Variants in ATP2B1 observed in about 807,000 individuals in gnomAD.
ATP2B1 encodes ATPase plasma membrane Ca2+ transporting 1, also known as plasma membrane calcium-transporting ATPase 1.
In ATP2B1, 14 loss-of-function variants were observed where a neutral mutation model predicts 124.2. That is an observed-to-expected ratio of 0.11 (90% confidence interval 0.07 to 0.18). The LOEUF (loss-of-function observed/expected upper bound fraction) is 0.18. Ranked by LOEUF, ATP2B1 falls within the 10% of genes least tolerant of loss-of-function variation. The pLI, the probability that ATP2B1 is intolerant of heterozygous loss-of-function variation, is 1.00. For synonymous variants in ATP2B1, 449 were observed against 492.4 expected (o/e 0.91, Z 1.17); for missense variants, 763 against 1,466.1 (o/e 0.52, Z 7.83).
intron 3 of ATP2B1, 108 bp downstream of exon 3, chr12:89,642,050 C>A: frequency 9.1e-7 from 1 of 1,104,456 alleles, no homozygotes; most frequent in Non-Finnish European, 1.3e-6. Context: ...CAGTGCCTAG[C>A]ACATAGCAAA....
Position 89,589,110 on chromosome 12 carries a change from G to C in ATP2B1, c.*1874C>G, listed in dbSNP as rs996499808. 6.6e-6 allele frequency: 1 copy of C among 152,594 alleles called. No homozygotes were observed. 9.5% of individuals were successfully genotyped at this position (152,594 alleles called of 1,614,324 possible). The stretch of plus-strand genomic sequence containing the variant: ...AAATGTACAATTACAAATGCTGACA[G>C]AGCCAATGTGTTTCTAAGACCTGCA... On this transcript the variant is annotated 3_prime_UTR_variant, in exon 21 of 21. Transcript: ENST00000428670.
At chr12:89,664,763 G>A (rs899492150) in intron 1 of ATP2B1, among the ~76,000 whole-genome samples, 1 of 152,138 alleles carries the variant, frequency 6.6e-6, no homozygotes, top group African/African-American at 2.4e-5. Flanking sequence ...ACCTTGACTA[G>A]GGAACAAACT....
Position 89,639,275 on chromosome 12 carries a change from G to A in ATP2B1, c.406+2883C>T, listed in dbSNP as rs181762032. Among the ~76,000 whole-genome samples the A allele has an allele frequency of 7.6e-4, 116 of 152,160 alleles. 1 individual carries two copies. Among genetic ancestry groups the A allele is most frequent in the Admixed American group, 6.6e-3 (101 of 15,276 alleles). On this transcript the variant is annotated intron_variant, in intron 3 of 20. Coordinates refer to ENST00000428670, the MANE Select transcript of ATP2B1 (RefSeq NM_001366521.1). ...TCTGAGCACTTTGGGAGGCCGAGGC[G>A]GGCAGATAACCTGAGGTCAGGGGTT...
chr12:89,629,033 A>G (rs920910455), intron 6 of ATP2B1, among the ~76,000 whole-genome samples: 4 of 152,188 alleles, frequency 2.6e-5, no homozygotes, highest in Non-Finnish European at 5.9e-5. Flanking sequence ...AACAAATTAG[A>G]TGTTAATTTC....
At chr12:89,629,345 A>G (rs1881468857) in intron 6 of ATP2B1, among the ~76,000 whole-genome samples, 1 of 152,336 alleles carries the variant, frequency 6.6e-6, no homozygotes, top group South Asian at 2.1e-4. Flanking sequence ...TACAGTTGTG[A>G]GGATTAATGA....
intron 1 of ATP2B1, among the ~76,000 whole-genome samples, chr12:89,673,349 A>G (rs1213798846): frequency 6.6e-6 from 1 of 152,200 alleles, no homozygotes; most frequent in African/African-American, 2.4e-5. Context: ...TTCACAGAAT[A>G]ATATATGCGC....
chr12:89,609,916 T>C (rs186924523), intron 15 of ATP2B1, 21 bp downstream of exon 15: 4 of 1,603,552 alleles, frequency 2.5e-6, no homozygotes, highest in Non-Finnish European at 3.4e-6. Context: ...CGTTTGGATA[T>C]TTGAATGAGT....
chr12:89,647,904 C>T (rs1318934016), intron 2 of ATP2B1, among the ~76,000 whole-genome samples: 1 of 152,158 alleles, frequency 6.6e-6, no homozygotes, highest in Non-Finnish European at 1.5e-5. Flanking sequence ...CACTCTCACT[C>T]TCATCATGTA....
At chr12:89,602,517 A>C (rs1876055130) in intron 18 of ATP2B1, among the ~76,000 whole-genome samples, 1 of 152,200 alleles carries the variant, frequency 6.6e-6, no homozygotes, top group South Asian at 2.1e-4. Context: ...GCACTTGTAC[A>C]GATAGATTTC....
intron 2 of ATP2B1, among the ~76,000 whole-genome samples, chr12:89,648,144 C>T (rs1390156620): frequency 1.3e-5 from 2 of 152,214 alleles, no homozygotes; most frequent in African/African-American, 4.8e-5. Context: ...TATAAAGATA[C>T]CTTAAAAAGT....
rs1258197651 is a variant in ATP2B1, at chr12:89,603,562, A to C, written c.2848+150T>G. ...GCTTATTGTCCTCCCAAATTTACTA[A>C]GCACTCACTGATTAAGAAGAAATTA... On this transcript the variant is annotated intron_variant, in intron 17 of 20. Transcript: ENST00000428670. The surrounding 1 kb of genome is among the most constrained non-coding windows in gnomAD (Gnocchi z 4.3). The C allele has an allele frequency of 1.2e-6, 1 of 800,524 alleles. No individual in the cohort carries two copies. Among genetic ancestry groups the C allele is most frequent in the Non-Finnish European group, 1.9e-6 (1 of 514,892 alleles). 49.6% of individuals were successfully genotyped at this position (800,524 alleles called of 1,614,324 possible). A position where few individuals can be genotyped will look rare whatever the true frequency, so the allele number is the denominator to read the frequency against.
chr12:89,658,641 G>GAGAGAGAGAT lies in ATP2B1; in HGVS notation c.-221-2535_-221-2534insATCTCTCTCT, dbSNP rs1565882748. On this transcript the variant is annotated intron_variant, in intron 1 of 20. Coordinates refer to ENST00000428670, the MANE Select transcript of ATP2B1 (RefSeq NM_001366521.1). ...AGAGAGAGAGAGAGAGAGAGAGAGA[G>GAGAGAGAGAT]AGAGAGATAGAGATAGCATGTGGCT... is the stretch of plus-strand genomic sequence containing the variant. Among the ~76,000 whole-genome samples the GAGAGAGAGAT allele has an allele frequency of 1.4e-4, 21 of 150,320 alleles. No individual in the cohort carries two copies. The South Asian group carries it at 3.4e-3, about 24-fold the overall frequency.
chr12:89,693,066 G>C (rs537596319), intron 1 of ATP2B1, among the ~76,000 whole-genome samples: 1 of 152,082 alleles, frequency 6.6e-6, no homozygotes, highest in African/African-American at 2.4e-5. Flanking sequence ...CTAGTATTAA[G>C]CCAATAATTT....
chr12:89,612,555 G>A (rs1334884936), intron 12 of ATP2B1, among the ~76,000 whole-genome samples: 1 of 152,034 alleles, frequency 6.6e-6, no homozygotes, highest in African/African-American at 2.4e-5. Context: ...AAGAAACAGA[G>A]ATTTGTGCGT....
intron 1 of ATP2B1, among the ~76,000 whole-genome samples, chr12:89,696,104 C>G (rs10777190): frequency 6.6e-6 from 1 of 152,302 alleles, no homozygotes; most frequent in East Asian, 1.9e-4. Context: ...TGCTCCCAAA[C>G]TGAACATGTC....
intron 11 of ATP2B1, among the ~76,000 whole-genome samples, chr12:89,619,074 T>G (rs1879495881): frequency 6.6e-6 from 1 of 152,114 alleles, no homozygotes; most frequent in African/African-American, 2.4e-5. Context: ...TCAGGGAAAT[T>G]ATATGTGAAC....
At chr12:89,634,487 C>T (rs1330635095) in intron 5 of ATP2B1, among the ~76,000 whole-genome samples, 1 of 152,152 alleles carries the variant, frequency 6.6e-6, no homozygotes, top group African/African-American at 2.4e-5. Flanking sequence ...CAAGAGATAT[C>T]ATTAGGCCTA....
chr12:89,670,827 T>G (rs6538196), intron 1 of ATP2B1, among the ~76,000 whole-genome samples: 145,060 of 152,054 alleles, frequency 0.95, 69,255 homozygotes, highest in East Asian at 0.99. Context: ...GCTGGTCTGA[T>G]CTAAATGTAA....
chr12:89,620,388 G>A, intron 10 of ATP2B1, 148 bp from the exon 11 acceptor site: 1 of 1,006,470 alleles, frequency 9.9e-7, no homozygotes, highest in South Asian at 1.8e-5. Context: ...GAAAAGTAAG[G>A]TAGAAAGGAG....
Sources: allele counts gnomAD v4.1 joint callset (sites outside exome capture counted in the v4.1 genomes callset), GRCh38; gene constraint gnomAD v4.1.1; non-coding constraint Gnocchi (gnomAD v3.1); transcripts MANE v1.5; gene names NCBI Gene and HGNC (gene_info 2026-07-23, HGNC 2026-07-21).